The following ANKRD12 variants were observed in gnomAD, a reference collection of about 807,000 sequenced individuals.
ANKRD12 encodes ankyrin repeat domain-containing protein 12.
A neutral mutation model predicts 183.4 loss-of-function variants in ANKRD12; 85 were observed. The ratio of observed to expected loss-of-function variants is 0.46; its 90% CI spans 0.39 to 0.56. The LOEUF (loss-of-function observed/expected upper bound fraction) is 0.56. Ranked by LOEUF, ANKRD12 falls within the 20% of genes least tolerant of loss-of-function variation. The probability of loss-of-function intolerance (pLI) is 0.00; values close to 1 mark genes in which losing one functional copy is unlikely to be tolerated. For missense variants in ANKRD12, 2,405 were observed against 2,357.1 expected (o/e 1.02, Z -0.42); for synonymous variants, 914 against 800.2 (o/e 1.14, Z -2.40).
At chr18:9,156,815 T>C (rs530441421) in intron 1 of ANKRD12, among the ~76,000 whole-genome samples, 88 of 152,078 alleles carry the variant, frequency 5.8e-4, no homozygotes, top group African/African-American at 2.0e-3. Flanking sequence ...TGAAAAAAAA[T>C]TGTGACACAT....
intron 1 of ANKRD12, among the ~76,000 whole-genome samples, chr18:9,149,763 T>C (rs1217315609): frequency 1.4e-5 from 2 of 146,092 alleles, no homozygotes; most frequent in Non-Finnish European, 3.0e-5. Context: ...AAACCGACTA[T>C]TTGTAATGAT....
At chr18:9,167,275 G>A (rs1383383052) in intron 1 of ANKRD12, among the ~76,000 whole-genome samples, 1 of 152,146 alleles carries the variant, frequency 6.6e-6, no homozygotes, top group East Asian at 1.9e-4. Context: ...TAGCTTGATG[G>A]GGATGGCATT....
intron 8 of ANKRD12, among the ~76,000 whole-genome samples, chr18:9,228,619 A>C (rs939661550): frequency 1.3e-5 from 2 of 151,984 alleles, no homozygotes; most frequent in Admixed American, 6.6e-5. Flanking sequence ...TTTTTTGAGA[A>C]ATGTCTTCCA....
intron 8 of ANKRD12, chr18:9,239,426 C>A: frequency 1.1e-6 from 1 of 879,096 alleles, no homozygotes; most frequent in Non-Finnish European, 1.6e-6. Context: ...TTTTGATTTT[C>A]ACTGATCTTG....
At chr18:9,262,783 GT>G (rs1567990684) in intron 9 of ANKRD12, among the ~76,000 whole-genome samples, 1 of 88,372 alleles carries the variant, frequency 1.1e-5, no homozygotes, top group Non-Finnish European at 2.1e-5. Flanking sequence ...CAGCCAAGAT[GT>G]CCCTTTTTTT....
At chr18:9,264,527 C>T (rs2039165593) in intron 10 of ANKRD12, among the ~76,000 whole-genome samples, 1 of 152,086 alleles carries the variant, frequency 6.6e-6, no homozygotes, top group African/African-American at 2.4e-5. Flanking sequence ...ATTGATTTTC[C>T]TGGCACAGGT....
intron 6 of ANKRD12, 121 bp from the exon 7 acceptor site, chr18:9,216,637 C>T: frequency 1.1e-6 from 1 of 939,146 alleles, no homozygotes; most frequent in East Asian, 2.6e-5. Flanking sequence ...CTTCATCACT[C>T]CTTTTTTTTT....
intron 1 of ANKRD12, among the ~76,000 whole-genome samples, chr18:9,163,315 C>G (rs1046608225): frequency 7.9e-5 from 12 of 152,126 alleles, no homozygotes; most frequent in Non-Finnish European, 1.5e-4. Flanking sequence ...TTCTTCATTG[C>G]TTGTTTTCGT....
intron 8 of ANKRD12, among the ~76,000 whole-genome samples, chr18:9,251,027 T>A (rs2145127065): frequency 6.6e-6 from 1 of 152,322 alleles, no homozygotes; most frequent in African/African-American, 2.4e-5. Flanking sequence ...TAGTTTTGTA[T>A]CATTATCACC....
intron 7 of ANKRD12, 36 bp downstream of exon 7, chr18:9,216,936 TG>T: frequency 1.3e-6 from 2 of 1,596,002 alleles, no homozygotes; most frequent in East Asian, 4.5e-5. Flanking sequence ...AATACACATT[TG>T]CAAAATATAA....
At chr18:9,169,389 G>C (rs1387129464) in intron 1 of ANKRD12, among the ~76,000 whole-genome samples, 3 of 152,056 alleles carry the variant, frequency 2.0e-5, no homozygotes, top group Non-Finnish European at 4.4e-5. Context: ...TATGAATCTG[G>C]GTTCTTCTGT....
intron 7 of ANKRD12, among the ~76,000 whole-genome samples, chr18:9,219,568 A>G (rs774570589): frequency 5.3e-5 from 8 of 152,062 alleles, no homozygotes; most frequent in African/African-American, 2.4e-5. Context: ...TGCAGGCCAC[A>G]TACTCCCTCC....
chr18:9,275,805 C>T (rs2145452215), intron 11 of ANKRD12, 138 bp downstream of exon 11: 2 of 773,052 alleles, frequency 2.6e-6, no homozygotes, highest in Non-Finnish European at 3.8e-6. Flanking sequence ...TCTTTCAAGC[C>T]AGAGTACTTC....
At chr18:9,144,321 T>A (rs1034952682) in intron 1 of ANKRD12, among the ~76,000 whole-genome samples, 35 of 152,210 alleles carry the variant, frequency 2.3e-4, no homozygotes, top group African/African-American at 7.7e-4. Context: ...ATTATTAATC[T>A]TCTATATGTT....
chr18:9,160,787 A>G (rs2031302140), intron 1 of ANKRD12, among the ~76,000 whole-genome samples: 1 of 152,238 alleles, frequency 6.6e-6, no homozygotes, highest in Non-Finnish European at 1.5e-5. Context: ...AGCAGTTAAT[A>G]TGAATCAAGG....
At chr18:9,228,516 A>T (rs1284814565) in intron 8 of ANKRD12, among the ~76,000 whole-genome samples, 1 of 152,164 alleles carries the variant, frequency 6.6e-6, no homozygotes, top group Non-Finnish European at 1.5e-5. Context: ...AGCCATTCTA[A>T]CCGGGGTGAG....
At chr18:9,231,197 T>C (rs2037025078) in intron 8 of ANKRD12, among the ~76,000 whole-genome samples, 1 of 152,170 alleles carries the variant, frequency 6.6e-6, no homozygotes, top group South Asian at 2.1e-4. Context: ...ACATGTTCCA[T>C]GTGCTGATGA....
intron 8 of ANKRD12, among the ~76,000 whole-genome samples, chr18:9,246,645 G>T (rs2037978954): frequency 6.6e-6 from 1 of 152,048 alleles, no homozygotes; most frequent in Non-Finnish European, 1.5e-5. Context: ...ATTAGACTTT[G>T]GCCTTTTAAA....
intron 11 of ANKRD12, among the ~76,000 whole-genome samples, 170 bp from the exon 12 acceptor site, chr18:9,279,379 C>T (rs1475646955): frequency 6.6e-6 from 1 of 152,092 alleles, no homozygotes; most frequent in Non-Finnish European, 1.5e-5. Flanking sequence ...TCTGTCTACA[C>T]AATGTGGAAA....
Sources: gnomAD v4.1 joint callset for allele counts (sites outside exome capture counted in the v4.1 genomes callset) on GRCh38, gnomAD v4.1.1 for gene constraint, MANE v1.5 for transcripts, NCBI Gene and HGNC (gene_info 2026-07-23, HGNC 2026-07-21) for gene names.